NLGN1: variants seen among roughly 807,000 people sequenced by gnomAD.
NLGN1 encodes the protein neuroligin-1.
In NLGN1, 12 loss-of-function variants were observed where a neutral mutation model predicts 65.5. That is an observed-to-expected ratio of 0.18 (90% CI 0.12 to 0.30). NLGN1 has a LOEUF of 0.30. NLGN1 is among the 10% of genes least tolerant of loss of function. NLGN1 has a pLI of 1.00. For synonymous variants in NLGN1, 350 were observed against 359.5 expected, an observed-to-expected ratio of 0.97 and a Z score of 0.30; for missense variants, 750 against 1,007.1, an observed-to-expected ratio of 0.74 and a Z score of 3.46.
intron 3 of NLGN1, among the ~76,000 whole-genome samples, chr3:173,682,660 A>G (rs1419182555): frequency 3.3e-5 from 5 of 151,870 alleles, no homozygotes; most frequent in Non-Finnish European, 5.9e-5. Context: ...GAACTTAAAT[A>G]ATTGGGTTAA....
chr3:173,478,452 A>G (rs1378353271), intron 2 of NLGN1, among the ~76,000 whole-genome samples: 1 of 152,196 alleles, frequency 6.6e-6, no homozygotes, highest in Admixed American at 6.5e-5. Flanking sequence ...TACAGGGCTT[A>G]ACACCTAGGT....
intron 4 of NLGN1, among the ~76,000 whole-genome samples, chr3:174,051,831 G>A (rs1426862917): frequency 6.6e-6 from 1 of 151,858 alleles, no homozygotes; most frequent in Non-Finnish European, 1.5e-5. Context: ...TCCCTCACAG[G>A]CAGATTGGCC....
chr3:173,410,136 T>TA (rs1388035112), intron 1 of NLGN1, among the ~76,000 whole-genome samples: 1 of 152,208 alleles, frequency 6.6e-6, no homozygotes, highest in East Asian at 1.9e-4. Context: ...TTTCTGTCTG[T>TA]AAAAAATACA....
At chr3:173,976,782 C>T (rs1461649567) in intron 4 of NLGN1, among the ~76,000 whole-genome samples, 19 of 152,038 alleles carry the variant, frequency 1.2e-4, no homozygotes, top group Admixed American at 1.2e-3. Flanking sequence ...CTCATGCACA[C>T]ATTGGCAGTT....
At chr3:173,986,852 A>G (rs939061149) in intron 4 of NLGN1, among the ~76,000 whole-genome samples, 1 of 152,198 alleles carries the variant, frequency 6.6e-6, no homozygotes, top group Non-Finnish European at 1.5e-5. Context: ...AATCTTCCTC[A>G]GACCACTTTA....
intron 4 of NLGN1, among the ~76,000 whole-genome samples, chr3:174,232,773 A>G (rs1277670767): frequency 1.3e-5 from 2 of 152,238 alleles, no homozygotes; most frequent in South Asian, 2.1e-4. Context: ...TGGCCTTGTC[A>G]TGTAGATGAA....
At position 174,275,441 on chromosome 3, in the gene NLGN1, T is replaced by C. The variant is rs763027413; in HGVS notation, c.773T>C (p.Phe258Ser). ...GGTGACCCCTTAAGAATCACTGTTT[T>C]TGGATCTGGTGCTGGGGGTTCATGT... is the stretch of plus-strand genomic sequence containing the variant. The change falls in exon 5 of 7, where the codon TTT (phenylalanine) becomes TCT (serine). Residue 258 changes from phenylalanine (F) to serine (S), a missense_variant. By Grantham distance (155) the Phe-to-Ser change is radical. Transcript: ENST00000457714. The C allele has an allele frequency of 3.7e-6, 6 of 1,612,792 alleles. No homozygotes were observed. The South Asian group carries it at 5.5e-5, about 15-fold the overall frequency.
intron 2 of NLGN1, among the ~76,000 whole-genome samples, chr3:173,536,949 C>G (rs1259095322): frequency 6.6e-6 from 1 of 152,174 alleles, no homozygotes; most frequent in East Asian, 1.9e-4. Context: ...CAGTCTGAGT[C>G]TGAGTCCAAA....
intron 3 of NLGN1, among the ~76,000 whole-genome samples, chr3:173,738,198 T>C (rs533615866): frequency 6.6e-6 from 1 of 152,122 alleles, no homozygotes; most frequent in Non-Finnish European, 1.5e-5. Flanking sequence ...ATTTTATGTG[T>C]AGTCTTTTCA....
intron 4 of NLGN1, among the ~76,000 whole-genome samples, chr3:173,919,006 C>G (rs1741383741): frequency 6.6e-6 from 1 of 152,006 alleles, no homozygotes; most frequent in Non-Finnish European, 1.5e-5. Flanking sequence ...ATTTCAATTT[C>G]TGTCTCTGAT....
At chr3:174,035,590 T>C (rs1434006157) in intron 4 of NLGN1, among the ~76,000 whole-genome samples, 2 of 152,142 alleles carry the variant, frequency 1.3e-5, no homozygotes, top group Non-Finnish European at 2.9e-5. Flanking sequence ...GCTTAGCACA[T>C]TTTATCTGCC....
chr3:173,747,177 G>A (rs866511902), intron 3 of NLGN1, among the ~76,000 whole-genome samples: 11 of 140,734 alleles, frequency 7.8e-5, no homozygotes, highest in Middle Eastern at 3.5e-3. Context: ...TTGAGACAGC[G>A]TCTCAAAACA....
chr3:173,894,925 C>G (rs1736070288), intron 4 of NLGN1, among the ~76,000 whole-genome samples: 1 of 146,744 alleles, frequency 6.8e-6, no homozygotes, highest in African/African-American at 2.5e-5. Context: ...GCATGAGCCC[C>G]CTCACTCGGC....
At chr3:173,593,858 G>C (rs1051063108) in intron 2 of NLGN1, among the ~76,000 whole-genome samples, 1 of 152,148 alleles carries the variant, frequency 6.6e-6, no homozygotes, top group Admixed American at 6.5e-5. Context: ...ACATGTTGGC[G>C]GCAAGAGAAA....
At chr3:174,275,047 A>C (rs958003872) in intron 4 of NLGN1, among the ~76,000 whole-genome samples, 1 of 151,836 alleles carries the variant, frequency 6.6e-6, no homozygotes, top group Non-Finnish European at 1.5e-5. Context: ...GGTTTTCAGA[A>C]TGTTTGCCTT....
chr3:173,783,213 C>G (rs1369387607), intron 3 of NLGN1, among the ~76,000 whole-genome samples: 1 of 152,102 alleles, frequency 6.6e-6, no homozygotes, highest in Admixed American at 6.6e-5. Context: ...GTTTGGATTT[C>G]TCAACTTTGT....
chr3:174,190,109 A>G lies in NLGN1; in HGVS notation c.647-85206A>G, dbSNP rs755088769. 3.1e-4 allele frequency among the ~76,000 whole-genome samples: 47 copies of G among 152,102 alleles called. 1 individual carries two copies. The highest frequency in any genetic ancestry group is 7.4e-5 in the Non-Finnish European group (5 of 67,972). ...GCACTGTGCTACAATTCAGTTTTTA[A>G]AAGTGAGTTATTATATGACTTAGCA... On this transcript the variant is annotated intron_variant, in intron 4 of 6. Transcript: ENST00000457714.
At chr3:173,778,286 A>C (rs773440660) in intron 3 of NLGN1, among the ~76,000 whole-genome samples, 4 of 151,924 alleles carry the variant, frequency 2.6e-5, no homozygotes, top group Admixed American at 6.6e-5. Flanking sequence ...TGAAATTTAT[A>C]AATTAACCAA....
chr3:173,934,237 T>G (rs1332269593), intron 4 of NLGN1, among the ~76,000 whole-genome samples: 1 of 149,010 alleles, frequency 6.7e-6, no homozygotes, highest in African/African-American at 2.4e-5. Flanking sequence ...ATAATAATAA[T>G]GTACTATTAT....
Sources: allele counts gnomAD v4.1 joint callset (sites outside exome capture counted in the v4.1 genomes callset), GRCh38; gene constraint gnomAD v4.1.1; transcripts MANE v1.5; gene names NCBI Gene and HGNC (gene_info 2026-07-23, HGNC 2026-07-21).